Variants in NOD1 observed in about 807,000 individuals in gnomAD.
NOD1 encodes nucleotide binding oligomerization domain containing 1, also known as nucleotide-binding oligomerization domain-containing protein 1.
In NOD1, 70 loss-of-function variants were observed where a neutral mutation model predicts 81.2. That is an observed-to-expected ratio of 0.86 (90% CI 0.71 to 1.05). The LOEUF (loss-of-function observed/expected upper bound fraction) is 1.05, where lower values mean the gene tolerates loss of function less well. Ranked by LOEUF, NOD1 falls within the 50% of genes least tolerant of loss-of-function variation. The pLI is 0.00. For synonymous variants in NOD1, 508 were observed against 526.9 expected, an observed-to-expected ratio of 0.96 and a Z score of 0.49; for missense variants, 1,233 against 1,228.0, an observed-to-expected ratio of 1.00 and a Z score of -0.06.
rs375110135 is a variant in NOD1, at chr7:30,451,195, C to T, written c.2201+21G>A. The T allele has an allele frequency of 1.7e-4, 267 of 1,604,894 alleles. No homozygotes were observed. Among genetic ancestry groups the T allele is most frequent in the Non-Finnish European group, 2.1e-4 (246 of 1,174,366 alleles). ...TGGCCCGCCCGGCCCACCTGTTGCT[C>T]CCCTTGCCTGGCAGCCTCACCTGAG... On this transcript the variant is annotated intron_variant, in intron 6 of 13. Transcript: ENST00000222823. This position sits in a 1 kb window ranked among gnomAD's most constrained non-coding sequence, Gnocchi z 4.2.
In NOD1 at chr7:30,456,998, G is replaced by C; in HGVS notation, c.-77C>G. The C allele has an allele frequency of 4.0e-6, 5 of 1,265,490 alleles. No individual in the cohort carries two copies. Among genetic ancestry groups the C allele is most frequent in the Non-Finnish European group, 5.8e-6 (5 of 869,056 alleles). 78.4% of individuals were successfully genotyped at this position (1,265,490 alleles called of 1,614,324 possible). A position where few individuals can be genotyped will look rare whatever the true frequency, so the allele number is the denominator to read the frequency against. ...GTCCTCTCAGCAGAAGGGCAATCAG[G>C]ATTCAGGCCGCGCCCTCCAGGGCCC... On this transcript the variant is annotated 5_prime_UTR_variant, in exon 4 of 14. The change creates a new upstream start codon in the 5' untranslated region. Transcript: ENST00000222823.
Position 30,425,582 on chromosome 7 carries a change from TG to T in NOD1, c.*55del. 5 of 1,259,622 alleles carry T rather than the reference TG, an allele frequency of 4.0e-6. No homozygotes were observed. Among genetic ancestry groups the T allele is most frequent in the Non-Finnish European group, 5.8e-6 (5 of 856,370 alleles). 78.0% of individuals were successfully genotyped at this position (1,259,622 alleles called of 1,614,324 possible). The stretch of plus-strand genomic sequence containing the variant: ...CACTGACACAAAAGACTGCCCAGAG[TG>T]GCATTTGCTGCTGAGGCTCCAGGGC... On this transcript the variant is annotated 3_prime_UTR_variant, in exon 14 of 14. Coordinates refer to ENST00000222823, the MANE Select transcript of NOD1 (RefSeq NM_006092.4).
At chr7:30,432,260 A>C (rs1725444890) in intron 12 of NOD1, among the ~76,000 whole-genome samples, 1 of 152,222 alleles carries the variant, frequency 6.6e-6, no homozygotes, top group Admixed American at 6.5e-5. Context: ...TCAGCATTAG[A>C]AGACAAACCC....
rs781771761 is a variant in NOD1, at chr7:30,452,445, C to G, written c.972G>C (p.Lys324Asn). 3.7e-6 allele frequency: 6 copies of G among 1,613,340 alleles called. No individual in the cohort carries two copies. In the South Asian group the frequency reaches 6.6e-5, roughly 18 times the overall value. Residue 324 changes from lysine to asparagine, a missense_variant, in exon 6 of 14, where the codon AAG becomes AAC. By Grantham distance (94) the Lys-to-Asn change is moderately conservative (BLOSUM62 0). Transcript: ENST00000222823. ...LANLLSGKLL[K>N]GASKLLTART... ...GGGCTGTGAGCAGCTTGCTAGCCCC[C>G]TTGAGCAGCTTCCCACTGAGCAGGT...
In NOD1 at chr7:30,448,286, A is replaced by T. The variant is rs376229776; in HGVS notation, c.2285+12T>A. 77 of 1,606,588 alleles carry T rather than the reference A, an allele frequency of 4.8e-5. No individual in the cohort carries two copies. Among genetic ancestry groups the T allele is most frequent in the Non-Finnish European group, 6.2e-5 (73 of 1,173,204 alleles). Reference sequence around the variant, plus strand: ...CTAGGTAGTTGGCCCAGTGTTCTGGAGAAAGACATACCCCAAATAGGTCAC... The same window carrying T: ...CTAGGTAGTTGGCCCAGTGTTCTGGTGAAAGACATACCCCAAATAGGTCAC... On this transcript the variant is annotated intron_variant, in intron 7 of 13. Coordinates refer to ENST00000222823, the MANE Select transcript of NOD1 (RefSeq NM_006092.4).
At chr7:30,465,025 A>G (rs537707394) in intron 1 of NOD1, among the ~76,000 whole-genome samples, 52 of 152,318 alleles carry the variant, frequency 3.4e-4, no homozygotes, top group African/African-American at 1.2e-3. Flanking sequence ...AGAGTTTACA[A>G]CTGGGCAGGA....
chr7:30,462,774 C>T (rs1218998042), intron 1 of NOD1, among the ~76,000 whole-genome samples: 1 of 151,866 alleles, frequency 6.6e-6, no homozygotes, highest in African/African-American at 2.4e-5. Context: ...CATTGTGAAA[C>T]CCTGTCTCCA....
chr7:30,449,773 G>A (rs576044776), intron 6 of NOD1, among the ~76,000 whole-genome samples: 6 of 152,346 alleles, frequency 3.9e-5, no homozygotes, highest in South Asian at 4.1e-4. Context: ...TGTGCTTCCC[G>A]TGGTTACCCA....
intron 3 of NOD1, among the ~76,000 whole-genome samples, chr7:30,458,382 T>A (rs1786625694): frequency 6.6e-6 from 1 of 151,934 alleles, no homozygotes; most frequent in South Asian, 2.1e-4. Flanking sequence ...AAAAAAAAGG[T>A]TTTTTTGTAG....
intron 13 of NOD1, among the ~76,000 whole-genome samples, chr7:30,428,295 A>G (rs1261572411): frequency 2.6e-5 from 4 of 152,124 alleles, no homozygotes; most frequent in African/African-American, 9.7e-5. Context: ...TCCTGTGCTC[A>G]AGAGATCTGC....
intron 6 of NOD1, among the ~76,000 whole-genome samples, chr7:30,449,963 C>T (rs555812062): frequency 3.9e-4 from 60 of 152,250 alleles, no homozygotes; most frequent in Non-Finnish European, 7.2e-4. Context: ...AAGGCCGAGG[C>T]GGGCGGATCA....
chr7:30,477,508 T>C (rs1190141206), intron 1 of NOD1, among the ~76,000 whole-genome samples: 1 of 152,122 alleles, frequency 6.6e-6, no homozygotes. Context: ...ACCGTTTTTT[T>C]GTTTTTTGTT....
rs1407281658 is a variant in NOD1, at chr7:30,467,527, G to A, written c.-351-7486C>T. 6.6e-6 allele frequency among the ~76,000 whole-genome samples: 1 copy of A among 152,140 alleles called. No individual in the cohort carries two copies. Among genetic ancestry groups the A allele is most frequent in the African/African-American group, 2.4e-5 (1 of 41,432 alleles). On this transcript the variant is annotated intron_variant, in intron 1 of 13. Coordinates refer to ENST00000222823, the MANE Select transcript of NOD1 (RefSeq NM_006092.4). The surrounding 1 kb of genome is among the most constrained non-coding windows in gnomAD (Gnocchi z 4.5). ...ACCTGCCCTAGAGAGAAAATGCTTG[G>A]TCTTCATTAAACTAAACGATGGTTC...
chr7:30,424,793 G>A lies in NOD1; in HGVS notation c.*845C>T, dbSNP rs1783313163. On this transcript the variant is annotated 3_prime_UTR_variant, in exon 14 of 14. Coordinates refer to ENST00000222823, the MANE Select transcript of NOD1 (RefSeq NM_006092.4). ...CAGCCATTTGGATGCCAGGGCCACA[G>A]GGGCAAGCCATGCCCTATTTCTTTG... is the stretch of plus-strand genomic sequence containing the variant. 1.3e-5 allele frequency: 2 copies of A among 152,446 alleles called. No homozygotes were observed. Among genetic ancestry groups the A allele is most frequent in the South Asian group, 2.1e-4 (1 of 4,824 alleles). The allele number at this position is 152,446 out of a possible 1,614,324, so 9.4% of individuals were successfully genotyped here. A position where few individuals can be genotyped will look rare whatever the true frequency, so the allele number is the denominator to read the frequency against.
chr7:30,461,418 T>C (rs1659239558), intron 1 of NOD1, among the ~76,000 whole-genome samples: 2 of 152,166 alleles, frequency 1.3e-5, no homozygotes, highest in South Asian at 4.1e-4. Context: ...CCTCAAGTGA[T>C]CCTCCCACCT....
Position 30,452,880 on chromosome 7 carries a change from G to C in NOD1, c.537C>G (p.Ser179Arg). 1 of 1,614,066 alleles carries C rather than the reference G, an allele frequency of 6.2e-7. No individual in the cohort carries two copies. Among genetic ancestry groups the C allele is most frequent in the Non-Finnish European group, 8.5e-7 (1 of 1,180,034 alleles). Residue 179 changes from serine (S) to arginine (R), a missense_variant, in exon 6 of 14, where the codon AGC becomes AGG. Physicochemically the swap from Ser to Arg is moderately radical, Grantham distance 110. Transcript: ENST00000222823. ...TGGTGTGGTCCAGGAGGCAGGCCAG[G>C]CTGTTCAGGCTGCCCAGGCTCTCAT... is the stretch of plus-strand genomic sequence containing the variant. ...FSNESLGSLN[S>R]LACLLDHTTG...
At position 30,446,950 on chromosome 7, in the gene NOD1, G is replaced by A. The variant is rs5743355; in HGVS notation, c.2369+17C>T. 298 of 1,603,474 alleles carry A rather than the reference G, an allele frequency of 1.9e-4. No homozygotes were observed. The highest frequency in any genetic ancestry group is 2.5e-4 in the Non-Finnish European group (290 of 1,172,748). On this transcript the variant is annotated intron_variant, in intron 8 of 13. Coordinates refer to ENST00000222823, the MANE Select transcript of NOD1 (RefSeq NM_006092.4). ...TCAAGAGAATATACTAAGGAACCTG[G>A]TGCCTACCCCACTTACTTAAGATGC... is the stretch of plus-strand genomic sequence containing the variant.
At chr7:30,458,573 C>A (rs1398808964) in intron 3 of NOD1, among the ~76,000 whole-genome samples, 1 of 151,824 alleles carries the variant, frequency 6.6e-6, no homozygotes, top group East Asian at 1.9e-4. Context: ...AATGCCAGAC[C>A]CCACACAATA....
chr7:30,462,741 G>C (rs1171747525), intron 1 of NOD1, among the ~76,000 whole-genome samples: 1 of 152,034 alleles, frequency 6.6e-6, no homozygotes, highest in Admixed American at 6.6e-5. Flanking sequence ...TTGAGGCCAG[G>C]AGTTCGAGAC....
Sources: allele counts gnomAD v4.1 joint callset (sites outside exome capture counted in the v4.1 genomes callset), GRCh38; gene constraint gnomAD v4.1.1; non-coding constraint Gnocchi (gnomAD v3.1); transcripts MANE v1.5; gene names NCBI Gene and HGNC (gene_info 2026-07-23, HGNC 2026-07-21).